Variants in RIN3 observed in about 807,000 individuals in gnomAD.
RIN3 encodes the protein RAB5 interacting protein 3.
A neutral mutation model predicts 76.3 loss-of-function variants in RIN3; 54 were observed. That is an observed-to-expected ratio of 0.71 (90% CI 0.57 to 0.89). The LOEUF is 0.89. Ranked by LOEUF, RIN3 falls within the 40% of genes least tolerant of loss-of-function variation. The pLI is 0.00. For synonymous variants in RIN3, 576 were observed against 564.0 expected, an observed-to-expected ratio of 1.02 and a Z score of -0.30; for missense variants, 1,256 against 1,322.1, an observed-to-expected ratio of 0.95 and a Z score of 0.78.
chr14:92,549,435 C>T (rs1020194538), intron 1 of RIN3, among the ~76,000 whole-genome samples: 2 of 152,206 alleles, frequency 1.3e-5, no homozygotes, highest in Non-Finnish European at 2.9e-5. Flanking sequence ...TTCCCCCTAC[C>T]CCTAATAGGC....
chr14:92,667,350 C>A (rs554920049), intron 7 of RIN3, among the ~76,000 whole-genome samples: 62 of 152,234 alleles, frequency 4.1e-4, no homozygotes, highest in Non-Finnish European at 5.4e-4. Context: ...AACTCCGTCT[C>A]TACCAAAAAT....
rs186988957 is a variant in RIN3, at chr14:92,542,461, T to A, written c.45-13290T>A. ...TGGAGAAATTAGAACCCTCATATGC[T>A]GCTGGTGGGAATGTAAAATGGTGTA... On this transcript the variant is annotated intron_variant, in intron 1 of 9. Coordinates refer to ENST00000216487, the MANE Select transcript of RIN3 (RefSeq NM_024832.5). Among the ~76,000 whole-genome samples, 21 of 152,326 alleles carry A rather than the reference T, an allele frequency of 1.4e-4. 1 individual carries two copies. The East Asian group carries it at 1.5e-3, about 11-fold the overall frequency.
chr14:92,632,298 G>T (rs1355316053), intron 4 of RIN3, among the ~76,000 whole-genome samples: 2 of 152,094 alleles, frequency 1.3e-5, no homozygotes, highest in African/African-American at 4.8e-5. Flanking sequence ...CAGTGATTTC[G>T]TGACTGGCTC....
At chr14:92,619,308 A>G (rs940296903) in intron 4 of RIN3, among the ~76,000 whole-genome samples, 1 of 152,014 alleles carries the variant, frequency 6.6e-6, no homozygotes, top group Non-Finnish European at 1.5e-5. Flanking sequence ...ACCATAAATT[A>G]TTTATTTTGC....
At chr14:92,530,792 A>G (rs1441159848) in intron 1 of RIN3, among the ~76,000 whole-genome samples, 1 of 151,996 alleles carries the variant, frequency 6.6e-6, no homozygotes, top group Non-Finnish European at 1.5e-5. Context: ...CCTGGAAGGG[A>G]TGCTGCTGGA....
intron 3 of RIN3, among the ~76,000 whole-genome samples, chr14:92,583,232 G>A (rs1441214654): frequency 6.6e-6 from 1 of 152,266 alleles, no homozygotes; most frequent in East Asian, 1.9e-4. Context: ...ACAGAGCTGA[G>A]GCAAGGGAAA....
At chr14:92,541,385 A>G (rs1050881999) in intron 1 of RIN3, among the ~76,000 whole-genome samples, 2 of 152,230 alleles carry the variant, frequency 1.3e-5, no homozygotes, top group African/African-American at 4.8e-5. Context: ...TGTGCTGCTC[A>G]GGGCACACCT....
At chr14:92,665,960 A>AG (rs1164763466) in intron 7 of RIN3, among the ~76,000 whole-genome samples, 2 of 152,198 alleles carry the variant, frequency 1.3e-5, no homozygotes, top group East Asian at 3.9e-4. Context: ...TGTGGTATGC[A>AG]GCCCAGCAGC....
intron 8 of RIN3, among the ~76,000 whole-genome samples, chr14:92,677,301 C>G (rs1171990506): frequency 6.6e-6 from 1 of 152,208 alleles, no homozygotes; most frequent in African/African-American, 2.4e-5. Flanking sequence ...CACCCATCCA[C>G]CAAGAATTTC....
chr14:92,688,080 GGCGCTGCTTCCAGCTGGCGGACGAC>G lies in RIN3; in HGVS notation c.2794_2818del (p.Phe932ArgfsTer84), dbSNP rs746332055. The G allele has an allele frequency of 3.2e-5, 51 of 1,606,230 alleles. No homozygotes were observed. The highest frequency in any genetic ancestry group is 4.1e-5 in the Non-Finnish European group (48 of 1,177,520). ...CACCGGCTGTTCGTGCTGGTGGACG[GGCGCTGCTTCCAGCTGGCGGACGAC>G]GCGCTGCCGCACTGCATCAAGGGCT... On this transcript the variant is annotated frameshift_variant, in exon 10 of 10. Transcript: ENST00000216487. LOFTEE classifies it high-confidence loss of function.
At chr14:92,527,000 G>A (rs1028435126) in intron 1 of RIN3, among the ~76,000 whole-genome samples, 2 of 149,418 alleles carry the variant, frequency 1.3e-5, no homozygotes, top group African/African-American at 5.0e-5. Context: ...GGACTCCATT[G>A]TCACTTGGCT....
chr14:92,515,424 T>C, intron 1 of RIN3: 1 of 540,494 alleles, frequency 1.9e-6, no homozygotes, highest in South Asian at 2.5e-5. Flanking sequence ...ATCCACTTCC[T>C]CTTGTCTTTT....
intron 2 of RIN3, among the ~76,000 whole-genome samples, chr14:92,558,140 G>A (rs1443516455): frequency 6.6e-6 from 1 of 152,186 alleles, no homozygotes; most frequent in Non-Finnish European, 1.5e-5. Flanking sequence ...CTTGAGCCCA[G>A]GAGTTCAAGA....
At chr14:92,561,186 G>T (rs1339177459) in intron 2 of RIN3, among the ~76,000 whole-genome samples, 7 of 143,148 alleles carry the variant, frequency 4.9e-5, no homozygotes, top group South Asian at 4.4e-4. Flanking sequence ...GACACCATGG[G>T]TGGTCCCCAG....
rs1166064647 is a variant in RIN3, at chr14:92,641,146, GCCAGCAGAGATTGCCAGGGCTCTT to G, written c.441-89_441-66del. On this transcript the variant is annotated intron_variant, in intron 4 of 9. Transcript: ENST00000216487. Reference sequence around the variant, plus strand: ...TCCAGGCTGTATGGAGACCCTGGCAGCCAGCAGAGATTGCCAGGGCTCTTCCTTTGTGGAGGCTGGGAATGGACA... The same window carrying G: ...TCCAGGCTGTATGGAGACCCTGGCAGCCTTTGTGGAGGCTGGGAATGGACA... The G allele has an allele frequency of 5.8e-5, 57 of 976,750 alleles. 1 individual carries two copies. Among genetic ancestry groups the G allele is most frequent in the Non-Finnish European group, 9.0e-5 (55 of 608,120 alleles). The allele number at this position is 976,750 out of a possible 1,614,324, so 60.5% of individuals were successfully genotyped here.
intron 4 of RIN3, 45 bp from the exon 5 acceptor site, chr14:92,641,193 A>G (rs1394546241): frequency 4.9e-6 from 7 of 1,435,302 alleles, no homozygotes; most frequent in Non-Finnish European, 6.9e-6. Context: ...CTGGGAATGG[A>G]CACGGTGGAC....
chr14:92,555,290 G>A (rs1367572396), intron 1 of RIN3, among the ~76,000 whole-genome samples: 1 of 152,144 alleles, frequency 6.6e-6, no homozygotes, highest in Non-Finnish European at 1.5e-5. Context: ...CTGTGCTTCT[G>A]TTACATTTAT....
At chr14:92,577,543 C>A in intron 3 of RIN3, 66 bp downstream of exon 3, 1 of 968,850 alleles carries the variant, frequency 1.0e-6, no homozygotes. Flanking sequence ...AGAGGCTGCA[C>A]CTTCTAACCA....
intron 4 of RIN3, among the ~76,000 whole-genome samples, chr14:92,624,996 G>C (rs12882803): frequency 0.094 from 14,274 of 152,174 alleles, 922 homozygotes; most frequent in East Asian, 0.27. Flanking sequence ...CGTAGTCTCC[G>C]GGCCGGTGCT....
Sources: allele counts gnomAD v4.1 joint callset (sites outside exome capture counted in the v4.1 genomes callset), GRCh38; gene constraint gnomAD v4.1.1; transcripts MANE v1.5; gene names NCBI Gene and HGNC (gene_info 2026-07-23, HGNC 2026-07-21).